Variants in MCM8 observed in about 807,000 individuals in gnomAD.
MCM8 encodes the protein minichromosome maintenance 8 homologous recombination repair factor, also known as DNA helicase MCM8.
In MCM8, 85 loss-of-function variants were observed where a neutral mutation model predicts 98.9. The ratio of observed to expected loss-of-function variants is 0.86; its 90% CI spans 0.72 to 1.03. The LOEUF (loss-of-function observed/expected upper bound fraction) is 1.03, where lower values mean the gene tolerates loss of function less well. Among genes scored for constraint, MCM8 ranks in the 50% least tolerant of loss-of-function variants. The probability of loss-of-function intolerance (pLI) is 0.00; values close to 1 mark genes in which losing one functional copy is unlikely to be tolerated. For missense variants in MCM8, 951 were observed against 997.8 expected, an observed-to-expected ratio of 0.95 and a Z score of 0.63; for synonymous variants, 352 against 338.6, an observed-to-expected ratio of 1.04 and a Z score of -0.44.
intron 12 of MCM8, among the ~76,000 whole-genome samples, chr20:5,977,534 A>T (rs2089537251): frequency 6.6e-6 from 1 of 152,216 alleles, no homozygotes; most frequent in African/African-American, 2.4e-5. Flanking sequence ...TAAAATTGGT[A>T]CTCATGTTTT....
chr20:5,957,298 C>T (rs930631353), intron 6 of MCM8, 69 bp downstream of exon 6: 41 of 1,153,152 alleles, frequency 3.6e-5, no homozygotes, highest in Non-Finnish European at 4.9e-5. Context: ...AATGAAAACG[C>T]TCATTTTATA....
Position 5,998,023 on chromosome 20 carries a change from A to G in MCM8, c.*3632A>G, listed in dbSNP as rs999342926. 1 of 152,250 alleles carries G rather than the reference A, an allele frequency of 6.6e-6. No homozygotes were observed. Among genetic ancestry groups the G allele is most frequent in the Non-Finnish European group, 1.5e-5 (1 of 68,042 alleles). 9.4% of individuals were successfully genotyped at this position (152,250 alleles called of 1,614,324 possible). On this transcript the variant is annotated 3_prime_UTR_variant, in exon 19 of 19. Transcript: ENST00000610722. ...ACCACCCTGTGATTGATGGATCTTT[A>G]TAGCTCTCCTTTGATAAAGAAGGGA... is the stretch of plus-strand genomic sequence containing the variant.
intron 12 of MCM8, among the ~76,000 whole-genome samples, chr20:5,975,872 CCAAGAAG>C (rs1185076461): frequency 6.6e-6 from 1 of 151,300 alleles, no homozygotes; most frequent in Non-Finnish European, 1.5e-5. Flanking sequence ...AGTGTTAATA[CCAAGAAG>C]TTACATTGGC....
rs545431898 is a variant in MCM8 at position 5,996,550 on chromosome 20, A to C, written c.*2159A>C. On this transcript the variant is annotated 3_prime_UTR_variant, in exon 19 of 19. Transcript: ENST00000610722. Reference sequence around the variant, plus strand: ...TAAGAGATATTTAAAGCTGAAAAAAAATCTATTAATAGAATTTAAAACATT... The same window carrying C: ...TAAGAGATATTTAAAGCTGAAAAAACATCTATTAATAGAATTTAAAACATT... 14 of 152,322 alleles carry C rather than the reference A, an allele frequency of 9.2e-5. No homozygotes were observed. Among genetic ancestry groups the C allele is most frequent in the Admixed American group, 8.5e-4 (13 of 15,302 alleles). 9.4% of individuals were successfully genotyped at this position (152,322 alleles called of 1,614,324 possible). A position where few individuals can be genotyped will look rare whatever the true frequency, so the allele number is the denominator to read the frequency against.
At chr20:5,977,846 A>G (rs746465913) in intron 12 of MCM8, 30 bp from the exon 13 acceptor site, 2 of 1,609,764 alleles carry the variant, frequency 1.2e-6, no homozygotes, top group African/African-American at 1.3e-5. Flanking sequence ...TTTACTTTGG[A>G]TGATTCTCTT....
chr20:5,968,642 A>G (rs1394453384), intron 10 of MCM8, among the ~76,000 whole-genome samples: 2 of 152,264 alleles, frequency 1.3e-5, no homozygotes, highest in African/African-American at 4.8e-5. Flanking sequence ...CTTTTGTGCT[A>G]CAGTGGCAGA....
chr20:5,981,177 G>C (rs1396860925), intron 13 of MCM8, among the ~76,000 whole-genome samples: 1 of 152,206 alleles, frequency 6.6e-6, no homozygotes, highest in Non-Finnish European at 1.5e-5. Context: ...GAAGTAGCTT[G>C]ACTTTGTTCC....
chr20:5,979,403 A>G (rs1264107841), intron 13 of MCM8, among the ~76,000 whole-genome samples: 1 of 152,068 alleles, frequency 6.6e-6, no homozygotes, highest in Non-Finnish European at 1.5e-5. Flanking sequence ...TAAATTTATA[A>G]TCTCGTTTCC....
intron 4 of MCM8, 84 bp downstream of exon 4, chr20:5,954,774 C>A: frequency 1.2e-6 from 1 of 819,704 alleles, no homozygotes; most frequent in Non-Finnish European, 2.0e-6. Flanking sequence ...ATCGTAGGCA[C>A]TGGAGTCAGA....
chr20:5,967,181 T>A (rs547917383), intron 8 of MCM8, among the ~76,000 whole-genome samples: 20 of 152,240 alleles, frequency 1.3e-4, no homozygotes, highest in Non-Finnish European at 2.5e-4. Context: ...CATTTGCTGA[T>A]GATACCTCTA....
chr20:5,955,014 C>A, intron 4 of MCM8, 88 bp from the exon 5 acceptor site: 1 of 898,966 alleles, frequency 1.1e-6, no homozygotes, highest in Non-Finnish European at 1.7e-6. Flanking sequence ...ACATTGTATG[C>A]TTTCTCAAAG....
chr20:5,952,712 G>A (rs1364425938), intron 3 of MCM8, among the ~76,000 whole-genome samples, 184 bp downstream of exon 3: 1 of 152,144 alleles, frequency 6.6e-6, no homozygotes, highest in Non-Finnish European at 1.5e-5. Context: ...AGTCAGGAAA[G>A]CAGAAACCAT....
In MCM8 at chr20:5,995,356, G is replaced by T. The variant is rs2089941972; in HGVS notation, c.*965G>T. 1 of 152,240 alleles carries T rather than the reference G, an allele frequency of 6.6e-6. No individual in the cohort carries two copies. The highest frequency in any genetic ancestry group is 1.5e-5 in the Non-Finnish European group (1 of 68,072). The allele number at this position is 152,240 out of a possible 1,614,324, so 9.4% of individuals were successfully genotyped here. On this transcript the variant is annotated 3_prime_UTR_variant, in exon 19 of 19. Coordinates refer to ENST00000610722, the MANE Select transcript of MCM8 (RefSeq NM_032485.6). ...ATTAGAAGGCAGGTGAACCAGGAGGGTAAGCTTCCAGCAGCAATTTGTAAA... is the reference window on the plus strand; with the variant it reads ...ATTAGAAGGCAGGTGAACCAGGAGGTTAAGCTTCCAGCAGCAATTTGTAAA...
At chr20:5,957,954 A>G (rs1019059015) in intron 6 of MCM8, among the ~76,000 whole-genome samples, 1 of 152,202 alleles carries the variant, frequency 6.6e-6, no homozygotes, top group Non-Finnish European at 1.5e-5. Flanking sequence ...TAGAAACCCA[A>G]AGGTTTTTGA....
At chr20:5,956,959 ATAAAG>A (rs1454616592) in intron 5 of MCM8, among the ~76,000 whole-genome samples, 162 bp from the exon 6 acceptor site, 1 of 152,206 alleles carries the variant, frequency 6.6e-6, no homozygotes, top group East Asian at 1.9e-4. Flanking sequence ...AACATCCACT[ATAAAG>A]TAAGTAGTCA....
At chr20:5,989,963 C>T (rs577457115) in intron 17 of MCM8, among the ~76,000 whole-genome samples, 2 of 152,268 alleles carry the variant, frequency 1.3e-5, no homozygotes, top group African/African-American at 2.4e-5. Context: ...GTAACTGCCT[C>T]ATAATAAGAA....
Position 5,958,595 on chromosome 20 carries a change from GCTCTA to G in MCM8, c.659_663del (p.Ala220GlufsTer9). ...AGCAAATTACTATGGAAAATACATT[GCTCTA>G]AGAGGGACAGTGGTTCGTGTCAGTA... On this transcript the variant is annotated frameshift_variant, in exon 7 of 19. Transcript: ENST00000610722. LOFTEE classifies it high-confidence loss of function. 6.2e-7 allele frequency: 1 copy of G among 1,614,110 alleles called. No homozygotes were observed. The highest frequency in any genetic ancestry group is 8.5e-7 in the Non-Finnish European group (1 of 1,180,000).
At chr20:5,979,539 T>G (rs1304712653) in intron 13 of MCM8, among the ~76,000 whole-genome samples, 5 of 152,204 alleles carry the variant, frequency 3.3e-5, no homozygotes, top group Admixed American at 6.5e-5. Context: ...CTTCCTCATC[T>G]CAGTAAATGA....
chr20:5,955,465 G>A (rs1374430246), intron 5 of MCM8, among the ~76,000 whole-genome samples: 1 of 152,110 alleles, frequency 6.6e-6, no homozygotes, highest in Non-Finnish European at 1.5e-5. Context: ...TTATCTAAAT[G>A]AAATATTTAC....
Sources: allele counts gnomAD v4.1 joint callset (sites outside exome capture counted in the v4.1 genomes callset), GRCh38; gene constraint gnomAD v4.1.1; transcripts MANE v1.5; gene names NCBI Gene and HGNC (gene_info 2026-07-23, HGNC 2026-07-21).